MGLL: variants seen among roughly 807,000 people sequenced by gnomAD.
The protein encoded by MGLL is lysophospholipase homolog.
In MGLL, 7 loss-of-function variants were observed where a neutral mutation model predicts 29.1. The observed-to-expected ratio is 0.24, with a 90% CI of 0.14 to 0.45. MGLL has a LOEUF of 0.45. Ranked by LOEUF, MGLL falls within the 20% of genes least tolerant of loss-of-function variation. MGLL has a pLI of 0.99. For missense variants in MGLL, 356 were observed against 413.6 expected (o/e 0.86, Z 1.21); for synonymous variants, 148 against 168.3 (o/e 0.88, Z 0.93).
intron 3 of MGLL, among the ~76,000 whole-genome samples, chr3:127,754,470 G>A (rs1162122754): frequency 6.6e-6 from 1 of 152,210 alleles, no homozygotes; most frequent in Non-Finnish European, 1.5e-5. Context: ...TCTACACAGG[G>A]CCTCACCCCT....
chr3:127,744,013 A>T (rs2076395082), intron 3 of MGLL, among the ~76,000 whole-genome samples: 1 of 152,166 alleles, frequency 6.6e-6, no homozygotes. Flanking sequence ...CGGCTTTACA[A>T]GAGAGATAAA....
At position 127,737,396 on chromosome 3, in the gene MGLL, T is replaced by A. The variant is rs143355007; in HGVS notation, c.263-14830A>T. Among the ~76,000 whole-genome samples, 477 of 150,824 alleles carry A rather than the reference T, an allele frequency of 3.2e-3. 3 individuals are homozygous for A. Among genetic ancestry groups the A allele is most frequent in the African/African-American group, 0.011 (443 of 41,050 alleles). ...AATAAGGGGCACTCACAAGCCCACG[T>A]CAGAAGGTGCTGTGAGAATTAGTGA... On this transcript the variant is annotated intron_variant, in intron 3 of 7. Transcript: ENST00000265052.
At chr3:127,799,214 G>A (rs2077436527) in intron 2 of MGLL, among the ~76,000 whole-genome samples, 1 of 152,186 alleles carries the variant, frequency 6.6e-6, no homozygotes, top group Non-Finnish European at 1.5e-5. Flanking sequence ...CATTATCTCA[G>A]CAGGTCCTCC....
chr3:127,755,677 G>A (rs372487017), intron 3 of MGLL, among the ~76,000 whole-genome samples: 17 of 152,254 alleles, frequency 1.1e-4, no homozygotes, highest in East Asian at 3.9e-4. Context: ...CAGATATACC[G>A]GGCAGAGTCA....
At chr3:127,773,679 C>T (rs1164287652) in intron 3 of MGLL, among the ~76,000 whole-genome samples, 3 of 152,178 alleles carry the variant, frequency 2.0e-5, no homozygotes, top group Admixed American at 6.5e-5. Flanking sequence ...GAGACATGCA[C>T]GAGGCCTTGA....
intron 3 of MGLL, among the ~76,000 whole-genome samples, chr3:127,772,383 G>A (rs190491382): frequency 7.7e-4 from 117 of 152,274 alleles, no homozygotes; most frequent in Admixed American, 3.7e-3. Context: ...TGTGAAGTCC[G>A]GAGAAGTCAA....
intron 2 of MGLL, among the ~76,000 whole-genome samples, chr3:127,810,724 G>A (rs920545481): frequency 1.3e-5 from 2 of 152,248 alleles, no homozygotes; most frequent in African/African-American, 4.8e-5. Flanking sequence ...GGAGAGGTCA[G>A]AAGTGAAAGG....
Position 127,721,157 on chromosome 3 carries a change from C to A in MGLL, c.406G>T (p.Ala136Ser). 6.2e-7 allele frequency: 1 copy of A among 1,614,044 alleles called. No homozygotes were observed. Among genetic ancestry groups the A allele is most frequent in the South Asian group, 1.1e-5 (1 of 91,086 alleles). The change falls in exon 5 of 8, where the codon GCC becomes TCC. Residue 136 changes from alanine to serine, a missense_variant. Coordinates refer to ENST00000265052, the MANE Select transcript of MGLL (RefSeq NM_007283.7). ...VFLLGHSMGG[A>S]IAILTAAERP... The stretch of plus-strand genomic sequence containing the variant: ...TCTGCGGCCGTGAGGATGGCGATGG[C>A]GCCTCCCTGTAATGCAGAATGGGCA...
intron 2 of MGLL, among the ~76,000 whole-genome samples, chr3:127,821,368 G>A (rs111480983): frequency 0.027 from 4,113 of 152,122 alleles, 87 homozygotes; most frequent in Non-Finnish European, 0.04. Context: ...CTTAATTGTC[G>A]GGTTTGATTT....
intron 5 of MGLL, chr3:127,711,484 TCTGC>T: frequency 6.6e-6 from 1 of 152,394 alleles, no homozygotes; most frequent in East Asian, 1.9e-4. Flanking sequence ...ATCTCACACT[TCTGC>T]CTTCAGAGAG....
At chr3:127,717,875 C>T (rs1466833066) in intron 5 of MGLL, among the ~76,000 whole-genome samples, 1 of 152,198 alleles carries the variant, frequency 6.6e-6, no homozygotes, top group Non-Finnish European at 1.5e-5. Flanking sequence ...CCTCTGTACC[C>T]AGGCACGAGC....
intron 6 of MGLL, among the ~76,000 whole-genome samples, chr3:127,701,580 C>T (rs369269797): frequency 2.4e-4 from 37 of 152,244 alleles, no homozygotes; most frequent in African/African-American, 8.4e-4. Flanking sequence ...CCATCCCTGC[C>T]CTCCCTTAAC....
chr3:127,760,612 G>C (rs555105469), intron 3 of MGLL, among the ~76,000 whole-genome samples: 4 of 152,338 alleles, frequency 2.6e-5, no homozygotes, highest in South Asian at 4.1e-4. Context: ...GAGCCGCTGC[G>C]GCACTTCTGT....
rs4881 is a variant in MGLL at position 127,695,038 on chromosome 3, T to C, written c.753A>G (p.Leu251=). The change falls in exon 7 of 8, where the codon CTA becomes CTG. Residue 251 remains leucine, a synonymous_variant. Transcript: ENST00000265052. ...GCAGGTAGGCCCCTTTGCTGTCACA[T>C]AGGCGATCGGCAGAGCCCTGGAGCA... The part of the protein sequence containing the change: ...FLLLQGSADR[L]CDSKGAYLLM... The C allele has an allele frequency of 0.095, 152,880 of 1,613,990 alleles. 7,853 individuals carry two copies. The highest frequency in any genetic ancestry group is 0.16 in the African/African-American group (12,064 of 75,006).
intron 2 of MGLL, among the ~76,000 whole-genome samples, chr3:127,807,792 C>T (rs9289318): frequency 0.15 from 17,386 of 118,986 alleles, 1,486 homozygotes; most frequent in Middle Eastern, 0.3. Context: ...GATGGAGTCT[C>T]GCTCTGTTGC....
intron 2 of MGLL, among the ~76,000 whole-genome samples, chr3:127,814,595 G>T (rs1413110220): frequency 1.3e-5 from 2 of 151,710 alleles, no homozygotes; most frequent in African/African-American, 4.9e-5. Context: ...TGCTATTCAG[G>T]GAGCAGCTTA....
In MGLL at chr3:127,692,283, G is replaced by C; in HGVS notation, c.857C>G (p.Pro286Arg). The C allele has an allele frequency of 1.2e-6, 2 of 1,614,016 alleles. No individual in the cohort carries two copies. The highest frequency in any genetic ancestry group is 1.7e-6 in the Non-Finnish European group (2 of 1,179,940). Reference sequence around the variant, plus strand: ...ATGGAAGACGGAGTTGGTGACTTCAGGAAGCTCCTTGTGGAGAACATGGTA... The same window carrying C: ...ATGGAAGACGGAGTTGGTGACTTCACGAAGCTCCTTGTGGAGAACATGGTA... The part of the protein sequence containing the change: ...GAYHVLHKEL[P>R]EVTNSVFHEI... Residue 286 changes from proline to arginine, a missense_variant, in exon 8 of 8, where the codon CCT becomes CGT. Pro to Arg is a moderately radical substitution (Grantham distance 103). Coordinates refer to ENST00000265052, the MANE Select transcript of MGLL (RefSeq NM_007283.7).
intron 2 of MGLL, among the ~76,000 whole-genome samples, chr3:127,783,278 A>C (rs1246986503): frequency 6.6e-6 from 1 of 152,168 alleles, no homozygotes; most frequent in Non-Finnish European, 1.5e-5. Flanking sequence ...CTCAGAACAC[A>C]AGCCATGGAG....
chr3:127,769,046 C>G (rs1401705392), intron 3 of MGLL, among the ~76,000 whole-genome samples: 3 of 152,186 alleles, frequency 2.0e-5, no homozygotes, highest in Non-Finnish European at 4.4e-5. Flanking sequence ...GGGTAAAACT[C>G]TGCTAGAAAG....
Sources: gnomAD v4.1 joint callset for allele counts (sites outside exome capture counted in the v4.1 genomes callset) on GRCh38, gnomAD v4.1.1 for gene constraint, MANE v1.5 for transcripts, NCBI Gene and HGNC (gene_info 2026-07-23, HGNC 2026-07-21) for gene names.